Variants in MAGI2 observed in about 807,000 individuals in gnomAD.
MAGI2 encodes membrane-associated guanylate kinase, WW and PDZ domain-containing protein 2.
In MAGI2, 35 loss-of-function variants were observed where a neutral mutation model predicts 133.3. The observed-to-expected ratio is 0.26, with a 90% CI of 0.20 to 0.35. The LOEUF (loss-of-function observed/expected upper bound fraction) is 0.35, where lower values mean the gene tolerates loss of function less well. Among genes scored for constraint, MAGI2 ranks in the 10% least tolerant of loss-of-function variants. The pLI, the probability that MAGI2 is intolerant of heterozygous loss-of-function variation, is 1.00. For missense variants in MAGI2, 1,636 were observed against 1,863.4 expected, an observed-to-expected ratio of 0.88 and a Z score of 2.25; for synonymous variants, 729 against 710.6, an observed-to-expected ratio of 1.03 and a Z score of -0.41.
At chr7:78,421,672 T>C (rs1270938724) in intron 6 of MAGI2, among the ~76,000 whole-genome samples, 1 of 152,078 alleles carries the variant, frequency 6.6e-6, no homozygotes, top group East Asian at 1.9e-4. Flanking sequence ...TTAGTGGTGG[T>C]GAACACCTGT....
intron 1 of MAGI2, among the ~76,000 whole-genome samples, chr7:79,274,835 T>C (rs12539220): frequency 0.6 from 91,818 of 151,964 alleles, 29,416 homozygotes; most frequent in Non-Finnish European, 0.7. Context: ...CAAACTTTTT[T>C]GTTATTATTA....
intron 6 of MAGI2, among the ~76,000 whole-genome samples, chr7:78,463,654 C>T (rs932393631): frequency 7.9e-5 from 12 of 152,066 alleles, no homozygotes; most frequent in East Asian, 1.9e-4. Flanking sequence ...AACTCCCCCT[C>T]GCAAATGGAG....
At chr7:78,431,027 A>G (rs1262471362) in intron 6 of MAGI2, among the ~76,000 whole-genome samples, 1 of 151,664 alleles carries the variant, frequency 6.6e-6, no homozygotes, top group African/African-American at 2.4e-5. Context: ...TTATAGACTT[A>G]TAGCTTCTCT....
intron 1 of MAGI2, among the ~76,000 whole-genome samples, chr7:79,109,807 C>G (rs1041892404): frequency 6.6e-6 from 1 of 151,848 alleles, no homozygotes. Flanking sequence ...GCCTGGGCAC[C>G]CAGGCTTTTC....
intron 1 of MAGI2, among the ~76,000 whole-genome samples, chr7:79,027,356 A>G (rs528944808): frequency 1.3e-5 from 2 of 150,776 alleles, no homozygotes; most frequent in Middle Eastern, 3.5e-3. Flanking sequence ...TATATTAAAT[A>G]CAATACCACC....
At chr7:79,368,409 A>C (rs189640584) in intron 1 of MAGI2, among the ~76,000 whole-genome samples, 3 of 152,294 alleles carry the variant, frequency 2.0e-5, no homozygotes, top group Admixed American at 1.3e-4. Context: ...ACTTCCCTTC[A>C]GATCAATCAA....
At chr7:78,768,807 C>T (rs771154187) in intron 2 of MAGI2, among the ~76,000 whole-genome samples, 1 of 152,140 alleles carries the variant, frequency 6.6e-6, no homozygotes, top group African/African-American at 2.4e-5. Context: ...ATTTTGCATC[C>T]TCATGCTCCC....
intron 14 of MAGI2, among the ~76,000 whole-genome samples, chr7:78,168,667 T>C (rs1348966493): frequency 6.6e-6 from 1 of 152,218 alleles, no homozygotes; most frequent in African/African-American, 2.4e-5. Flanking sequence ...TCAGACCTAC[T>C]TCATGGAGTT....
intron 3 of MAGI2, among the ~76,000 whole-genome samples, chr7:78,561,777 G>A (rs540542191): frequency 3.3e-5 from 5 of 152,274 alleles, no homozygotes; most frequent in South Asian, 4.1e-4. Flanking sequence ...TAAGAAACAT[G>A]TATCTGGGGG....
intron 2 of MAGI2, among the ~76,000 whole-genome samples, chr7:78,871,513 A>G (rs1795028025): frequency 6.6e-6 from 1 of 152,174 alleles, no homozygotes; most frequent in African/African-American, 2.4e-5. Context: ...ACATAGTGAT[A>G]GTAATTTAAA....
intron 2 of MAGI2, among the ~76,000 whole-genome samples, chr7:78,677,177 G>A (rs530029732): frequency 8.2e-4 from 124 of 151,920 alleles, no homozygotes; most frequent in Non-Finnish European, 1.5e-3. Flanking sequence ...AATATTATTT[G>A]CAGTTACATA....
At chr7:78,674,379 A>G (rs116904318) in intron 2 of MAGI2, among the ~76,000 whole-genome samples, 438 of 152,224 alleles carry the variant, frequency 2.9e-3, no homozygotes, top group Non-Finnish European at 3.8e-3. Context: ...AAAAGCAAAT[A>G]CTTATGGCAT....
intron 21 of MAGI2, among the ~76,000 whole-genome samples, chr7:78,026,865 A>G (rs1182923339): frequency 6.6e-6 from 1 of 152,198 alleles, no homozygotes; most frequent in Non-Finnish European, 1.5e-5. Context: ...CAGGAAGATA[A>G]TAGAAGCATT....
chr7:79,358,466 G>A (rs1321940505), intron 1 of MAGI2, among the ~76,000 whole-genome samples: 1 of 152,038 alleles, frequency 6.6e-6, no homozygotes. Context: ...GTAACTAGAT[G>A]CAATATATAT....
intron 2 of MAGI2, among the ~76,000 whole-genome samples, chr7:78,976,778 T>C (rs1444466218): frequency 6.6e-6 from 1 of 150,822 alleles, no homozygotes; most frequent in Non-Finnish European, 1.5e-5. Flanking sequence ...ATGGTCAACA[T>C]GCAAAACTCA....
intron 1 of MAGI2, among the ~76,000 whole-genome samples, chr7:79,397,916 T>C (rs1845179176): frequency 6.6e-6 from 1 of 152,180 alleles, no homozygotes; most frequent in Admixed American, 6.5e-5. Flanking sequence ...TTTCAAATTT[T>C]TGGATAATCA....
chr7:78,429,906 T>C (rs1799632523), intron 6 of MAGI2, among the ~76,000 whole-genome samples: 1 of 152,130 alleles, frequency 6.6e-6, no homozygotes, highest in South Asian at 2.1e-4. Context: ...AGAGGTTAAG[T>C]AATTTGCCCA....
intron 3 of MAGI2, among the ~76,000 whole-genome samples, chr7:78,546,460 A>G (rs1392930409): frequency 6.6e-6 from 1 of 152,204 alleles, no homozygotes; most frequent in Non-Finnish European, 1.5e-5. Context: ...GAAAAGCATA[A>G]GAAAGATAGA....
At chr7:78,531,757 C>G (rs1281628447) in intron 3 of MAGI2, among the ~76,000 whole-genome samples, 1 of 152,150 alleles carries the variant, frequency 6.6e-6, no homozygotes, top group Admixed American at 6.5e-5. Context: ...ATATAACTTC[C>G]TTCTCCCAAT....
Sources: allele counts gnomAD v4.1 joint callset (sites outside exome capture counted in the v4.1 genomes callset), GRCh38; gene constraint gnomAD v4.1.1; transcripts MANE v1.5; gene names NCBI Gene and HGNC (gene_info 2026-07-23, HGNC 2026-07-21).